Variants in BICC1 observed in about 807,000 individuals in gnomAD.
BICC1 encodes the protein protein bicaudal C homolog 1.
BICC1 carries 43 observed loss-of-function variants against 111.0 expected under a neutral mutation model. That is an observed-to-expected ratio of 0.39 (90% CI 0.30 to 0.50). BICC1 has a LOEUF of 0.50. Ranked by LOEUF, BICC1 falls within the 20% of genes least tolerant of loss-of-function variation. The pLI, the probability that BICC1 is intolerant of heterozygous loss-of-function variation, is 0.88. For synonymous variants in BICC1, 467 were observed against 434.4 expected (o/e 1.07, Z -0.93); for missense variants, 1,091 against 1,203.2 (o/e 0.91, Z 1.38).
intron 3 of BICC1, among the ~76,000 whole-genome samples, chr10:58,782,487 A>G (rs187379600): frequency 1.3e-5 from 2 of 152,216 alleles, no homozygotes; most frequent in African/African-American, 2.4e-5. Flanking sequence ...GTGAAATGCC[A>G]GTTACTGAGT....
chr10:58,589,263 A>T (rs1341080720), intron 1 of BICC1, among the ~76,000 whole-genome samples: 1 of 152,146 alleles, frequency 6.6e-6, no homozygotes, highest in African/African-American at 2.4e-5. Flanking sequence ...CACCTTCTGC[A>T]TAAATGACTT....
intron 3 of BICC1, among the ~76,000 whole-genome samples, chr10:58,771,239 G>A (rs1842616025): frequency 6.6e-6 from 1 of 152,146 alleles, no homozygotes; most frequent in Non-Finnish European, 1.5e-5. Context: ...GGCTGTCATG[G>A]ATATGCTAAG....
intron 1 of BICC1, among the ~76,000 whole-genome samples, chr10:58,591,854 A>C (rs2132041629): frequency 6.6e-6 from 1 of 152,304 alleles, no homozygotes; most frequent in South Asian, 2.1e-4. Flanking sequence ...ATTGCTCTGA[A>C]TTCTTGTACC....
chr10:58,792,285 A>C (rs958525642), intron 8 of BICC1, among the ~76,000 whole-genome samples: 1 of 152,254 alleles, frequency 6.6e-6, no homozygotes, highest in Non-Finnish European at 1.5e-5. Flanking sequence ...AAAATGAGGT[A>C]GTTAAAAGAA....
chr10:58,641,469 C>G (rs1370272827), intron 2 of BICC1, among the ~76,000 whole-genome samples: 3 of 151,168 alleles, frequency 2.0e-5, no homozygotes, highest in Admixed American at 6.6e-5. Context: ...TTTTTTCTTT[C>G]CTTTTTTTTT....
intron 1 of BICC1, among the ~76,000 whole-genome samples, chr10:58,578,745 C>T (rs1279823762): frequency 6.6e-6 from 1 of 152,104 alleles, no homozygotes; most frequent in East Asian, 1.9e-4. Context: ...ATCCCCTCGC[C>T]CCTCATCAGA....
At chr10:58,554,661 G>T (rs1460951697) in intron 1 of BICC1, among the ~76,000 whole-genome samples, 3 of 151,930 alleles carry the variant, frequency 2.0e-5, no homozygotes, top group Non-Finnish European at 4.4e-5. Flanking sequence ...TGTATAATAA[G>T]AATTACTTTG....
At chr10:58,775,108 C>T (rs570087915) in intron 3 of BICC1, among the ~76,000 whole-genome samples, 1 of 152,282 alleles carries the variant, frequency 6.6e-6, no homozygotes, top group African/African-American at 2.4e-5. Flanking sequence ...TGCGGTGGCT[C>T]ATGCCTGTAA....
At chr10:58,711,984 C>T (rs1469926185) in intron 3 of BICC1, among the ~76,000 whole-genome samples, 4 of 152,004 alleles carry the variant, frequency 2.6e-5, no homozygotes, top group Admixed American at 2.6e-4. Flanking sequence ...TCAAAATATA[C>T]AAAGAACTTT....
Position 58,657,332 on chromosome 10 carries a change from A to C in BICC1, c.237+36431A>C, listed in dbSNP as rs1201637471. Among the ~76,000 whole-genome samples the C allele has an allele frequency of 2.6e-5, 4 of 152,170 alleles. No homozygotes were observed. The South Asian group carries it at 8.3e-4, about 32-fold the overall frequency. ...TCTGCATGCATCACTGCTCTGCATT[A>C]TAATAGGTGTGCTATAGTCAGGTAA... On this transcript the variant is annotated intron_variant, in intron 2 of 20. Coordinates refer to ENST00000373886, the MANE Select transcript of BICC1 (RefSeq NM_001080512.3).
At chr10:58,662,881 A>G (rs559541178) in intron 2 of BICC1, among the ~76,000 whole-genome samples, 4 of 152,248 alleles carry the variant, frequency 2.6e-5, no homozygotes, top group East Asian at 3.9e-4. Context: ...ATTTGTTGTC[A>G]TCACTTTTCT....
intron 9 of BICC1, among the ~76,000 whole-genome samples, chr10:58,794,105 A>C (rs909079699): frequency 1.5e-4 from 23 of 151,990 alleles, no homozygotes; most frequent in Non-Finnish European, 3.1e-4. Context: ...CTTAATTTAG[A>C]ATCTGGTAAC....
intron 1 of BICC1, among the ~76,000 whole-genome samples, chr10:58,551,243 A>T (rs750938690): frequency 6.6e-6 from 1 of 152,198 alleles, no homozygotes; most frequent in African/African-American, 2.4e-5. Context: ...TTAATGAAAT[A>T]TGAGGTCTCA....
At chr10:58,784,010 G>A (rs1214268871) in intron 3 of BICC1, among the ~76,000 whole-genome samples, 1 of 152,078 alleles carries the variant, frequency 6.6e-6, no homozygotes, top group Non-Finnish European at 1.5e-5. Context: ...AGGTTCCAGT[G>A]TCTTACCTCC....
chr10:58,826,547 C>T (rs976993429), intron 20 of BICC1, among the ~76,000 whole-genome samples: 5 of 53,944 alleles, frequency 9.3e-5, no homozygotes, highest in Non-Finnish European at 2.1e-4. Flanking sequence ...ATCAGGAGAT[C>T]GAGACCATCC....
intron 2 of BICC1, among the ~76,000 whole-genome samples, chr10:58,649,897 C>T (rs1838392142): frequency 6.6e-6 from 1 of 152,052 alleles, no homozygotes; most frequent in African/African-American, 2.4e-5. Context: ...CTATCACTAC[C>T]ACATTGTACT....
At chr10:58,593,891 C>T (rs1043422446) in intron 1 of BICC1, among the ~76,000 whole-genome samples, 14 of 151,930 alleles carry the variant, frequency 9.2e-5, no homozygotes, top group African/African-American at 1.7e-4. Flanking sequence ...AATTGACAGA[C>T]GTAGGCTTCA....
intron 3 of BICC1, among the ~76,000 whole-genome samples, chr10:58,774,004 AAG>A (rs1337849919): frequency 3.9e-5 from 6 of 152,182 alleles, no homozygotes; most frequent in African/African-American, 1.4e-4. Context: ...ACTGCAGGAA[AAG>A]AGAGATGTTG....
chr10:58,523,555 A>C lies in BICC1; in HGVS notation c.190+10222A>C, dbSNP rs187348646. On this transcript the variant is annotated intron_variant, in intron 1 of 20. Transcript: ENST00000373886. ...ATTAGGTATTGATGGGACGTATCTCAAAATAATAAGAGCTATCTATGACAA... is the reference window on the plus strand; with the variant it reads ...ATTAGGTATTGATGGGACGTATCTCCAAATAATAAGAGCTATCTATGACAA... Among the ~76,000 whole-genome samples, 327 of 152,328 alleles carry C rather than the reference A, an allele frequency of 2.1e-3. 2 individuals carry two copies. The highest frequency in any genetic ancestry group is 6.8e-3 in the Middle Eastern group (2 of 294).
Sources: gnomAD v4.1 joint callset for allele counts (sites outside exome capture counted in the v4.1 genomes callset) on GRCh38, gnomAD v4.1.1 for gene constraint, MANE v1.5 for transcripts, NCBI Gene and HGNC (gene_info 2026-07-23, HGNC 2026-07-21) for gene names.